ECT2L: variants seen among roughly 807,000 people sequenced by gnomAD.
ECT2L encodes epithelial cell-transforming sequence 2 oncogene-like.
A neutral mutation model predicts 122.8 loss-of-function variants in ECT2L; 126 were observed. The ratio of observed to expected loss-of-function variants is 1.03; its 90% CI spans 0.89 to 1.19. ECT2L has a LOEUF of 1.19. Ranked by LOEUF, ECT2L falls within the 50% of genes most tolerant of loss-of-function variation. The pLI, the probability that ECT2L is intolerant of heterozygous loss-of-function variation, is 0.00. For missense variants in ECT2L, 1,012 were observed against 1,064.1 expected (o/e 0.95, Z 0.68); for synonymous variants, 385 against 381.8 (o/e 1.01, Z -0.10).
chr6:138,811,351 A>C (rs1266855185), intron 1 of ECT2L, among the ~76,000 whole-genome samples: 1 of 152,222 alleles, frequency 6.6e-6, no homozygotes, highest in African/African-American at 2.4e-5. Context: ...CTTCAGTGAG[A>C]CTGCAGTCCC....
chr6:138,878,106 G>A (rs1778517211), intron 14 of ECT2L, among the ~76,000 whole-genome samples: 1 of 151,968 alleles, frequency 6.6e-6, no homozygotes, highest in Non-Finnish European at 1.5e-5. Context: ...TAAACAACAA[G>A]GTGTTTGACT....
At chr6:138,854,984 G>T (rs75911527) in intron 10 of ECT2L, among the ~76,000 whole-genome samples, 164 of 150,690 alleles carry the variant, frequency 1.1e-3, no homozygotes, top group Middle Eastern at 3.4e-3. Context: ...GTTTTTTTTT[G>T]TTGTTGTTGT....
intron 1 of ECT2L, among the ~76,000 whole-genome samples, chr6:138,806,692 T>C (rs1775723171): frequency 6.6e-6 from 1 of 151,916 alleles, no homozygotes; most frequent in Admixed American, 6.6e-5. Flanking sequence ...TTTATATTTT[T>C]AGTAGAGACG....
rs1330056247 is a variant in ECT2L, at chr6:138,903,508, A to T, written c.*881A>T. 1 of 152,220 alleles carries T rather than the reference A, an allele frequency of 6.6e-6. No homozygotes were observed. Among genetic ancestry groups the T allele is most frequent in the Non-Finnish European group, 1.5e-5 (1 of 68,030 alleles). The allele number at this position is 152,220 out of a possible 1,614,324, so 9.4% of individuals were successfully genotyped here. On this transcript the variant is annotated 3_prime_UTR_variant, in exon 22 of 22. Coordinates refer to ENST00000541398, the MANE Select transcript of ECT2L (RefSeq NM_001077706.3). ...TACTAAAAAGTTTTCTATAATTTTT[A>T]AGTGTTATTTATTGGAAGGCTAAAT... is the stretch of plus-strand genomic sequence containing the variant.
chr6:138,880,635 A>G (rs970382487), intron 14 of ECT2L, among the ~76,000 whole-genome samples: 1 of 152,228 alleles, frequency 6.6e-6, no homozygotes, highest in African/African-American at 2.4e-5. Context: ...TCTTGTTCTC[A>G]TCATTACATG....
chr6:138,837,563 G>A (rs1776883177), intron 4 of ECT2L, among the ~76,000 whole-genome samples: 1 of 151,640 alleles, frequency 6.6e-6, no homozygotes, highest in African/African-American at 2.4e-5. Flanking sequence ...GTTAGGTCCA[G>A]TGGGGAAGAG....
At chr6:138,873,620 C>T (rs1582642447) in intron 13 of ECT2L, among the ~76,000 whole-genome samples, 1 of 152,042 alleles carries the variant, frequency 6.6e-6, no homozygotes, top group African/African-American at 2.4e-5. Flanking sequence ...AAGGTGAAAC[C>T]CCGTCTCTAC....
chr6:138,830,487 T>TG (rs1435011525), intron 4 of ECT2L, among the ~76,000 whole-genome samples: 3 of 152,208 alleles, frequency 2.0e-5, no homozygotes, highest in African/African-American at 7.2e-5. Context: ...GCCATACCCC[T>TG]GCTCTAGAGT....
chr6:138,862,143 A>G (rs1777856064), intron 10 of ECT2L, among the ~76,000 whole-genome samples: 1 of 152,200 alleles, frequency 6.6e-6, no homozygotes, highest in African/African-American at 2.4e-5. Context: ...CCCCTACGTA[A>G]TATTTAACTG....
At chr6:138,836,151 TTAAG>T (rs1177851811) in intron 4 of ECT2L, among the ~76,000 whole-genome samples, 2 of 152,214 alleles carry the variant, frequency 1.3e-5, no homozygotes, top group Non-Finnish European at 2.9e-5. Flanking sequence ...AGATAGCTAA[TTAAG>T]TATTTTGTAC....
intron 14 of ECT2L, among the ~76,000 whole-genome samples, chr6:138,878,306 T>TACACAC (rs34393243): frequency 3.5e-4 from 53 of 150,330 alleles, no homozygotes; most frequent in African/African-American, 1.2e-3. Flanking sequence ...CATATATATA[T>TACACAC]ACACACACAC....
intron 5 of ECT2L, among the ~76,000 whole-genome samples, chr6:138,840,812 T>A (rs1777013679): frequency 6.6e-6 from 1 of 152,142 alleles, no homozygotes; most frequent in Non-Finnish European, 1.5e-5. Context: ...TTTTATCAGT[T>A]TTGAAATGTT....
Position 138,901,106 on chromosome 6 carries a change from T to A in ECT2L, c.2573T>A (p.Ile858Asn). ...CTTCATCGGTTACTCATAGAAAATA[T>A]TCCAGATTCCAAGTGTATGTATTCT... Reference protein sequence around the residue: ...VALHRLLIENIPDSKYVKNAF... With the variant: ...VALHRLLIENNPDSKYVKNAF... The change falls in exon 21 of 22, where the codon ATT becomes AAT. Residue 858 changes from isoleucine to asparagine, a missense_variant. Coordinates refer to ENST00000541398, the MANE Select transcript of ECT2L (RefSeq NM_001077706.3). The A allele has an allele frequency of 6.2e-7, 1 of 1,614,030 alleles. No individual in the cohort carries two copies. Among genetic ancestry groups the A allele is most frequent in the African/African-American group, 1.3e-5 (1 of 75,050 alleles).
chr6:138,800,948 G>A lies in ECT2L; in HGVS notation c.-244+4756G>A, dbSNP rs181896166. The stretch of plus-strand genomic sequence containing the variant: ...ACGATGCCTTGTTGTTGCATTCTCC[G>A]CAGGGGAGGAATGCTCTGCCCTCAC... On this transcript the variant is annotated intron_variant, in intron 1 of 21. Coordinates refer to ENST00000541398, the MANE Select transcript of ECT2L (RefSeq NM_001077706.3). Among the ~76,000 whole-genome samples, 11 of 152,280 alleles carry A rather than the reference G, an allele frequency of 7.2e-5. No individual in the cohort carries two copies. In the East Asian group the frequency reaches 1.2e-3, roughly 16 times the overall value.
At chr6:138,868,276 T>A in intron 13 of ECT2L, 70 bp downstream of exon 13, 1 of 1,419,800 alleles carries the variant, frequency 7.0e-7, no homozygotes, top group Admixed American at 2.0e-5. Flanking sequence ...GCAGTTATTA[T>A]TAATTTTTTT....
Position 138,844,545 on chromosome 6 carries a change from G to A in ECT2L, c.729G>A (p.Gln243=). Residue 243 remains glutamine (Q), a synonymous_variant, in exon 7 of 22, where the codon CAG becomes CAA. Transcript: ENST00000541398. ...GATTACATGAAGCTTTGGAGAAACA[G>A]CTTGTTTTGACATCGTTAGAAACCT... ...RVGLHEALEK[Q]LVLTSLETLP... 1 of 1,614,124 alleles carries A rather than the reference G, an allele frequency of 6.2e-7. No homozygotes were observed.
intron 13 of ECT2L, among the ~76,000 whole-genome samples, chr6:138,872,302 G>A (rs1338190958): frequency 6.6e-6 from 1 of 152,108 alleles, no homozygotes; most frequent in East Asian, 1.9e-4. Context: ...ATATTTGCAG[G>A]AGCTAACCAG....
In ECT2L at chr6:138,846,734, T is replaced by C. The variant is rs1385893097; in HGVS notation, c.903+57T>C. 2.4e-5 allele frequency: 34 copies of C among 1,409,644 alleles called. No individual in the cohort carries two copies. In the East Asian group the frequency reaches 8.4e-4, roughly 35 times the overall value. 87.3% of individuals were successfully genotyped at this position (1,409,644 alleles called of 1,614,324 possible). On this transcript the variant is annotated intron_variant, in intron 8 of 21. Transcript: ENST00000541398. ...GATTGTTTTTTTGTTTTTTGTTTTTTTTCATCTAGACTAGAGGGTGTGTGA... is the reference window on the plus strand; with the variant it reads ...GATTGTTTTTTTGTTTTTTGTTTTTCTTCATCTAGACTAGAGGGTGTGTGA...
intron 1 of ECT2L, among the ~76,000 whole-genome samples, chr6:138,805,409 A>G (rs1342233751): frequency 6.6e-6 from 1 of 152,216 alleles, no homozygotes; most frequent in Non-Finnish European, 1.5e-5. Flanking sequence ...CAGCTGTGTG[A>G]GAGCTCTGGA....
Sources: allele counts gnomAD v4.1 joint callset (sites outside exome capture counted in the v4.1 genomes callset), GRCh38; gene constraint gnomAD v4.1.1; transcripts MANE v1.5; gene names NCBI Gene and HGNC (gene_info 2026-07-23, HGNC 2026-07-21).